The following INTS7 variants were observed in gnomAD, a reference collection of about 807,000 sequenced individuals.
INTS7 encodes chromosome 1 open reading frame 73.
In INTS7, 46 loss-of-function variants were observed where a neutral mutation model predicts 109.2. The observed-to-expected ratio is 0.42, with a 90% CI of 0.33 to 0.54. INTS7 has a LOEUF of 0.54. Ranked by LOEUF, INTS7 falls within the 20% of genes least tolerant of loss-of-function variation. The probability of loss-of-function intolerance (pLI) is 0.07; values close to 1 mark genes in which losing one functional copy is unlikely to be tolerated. For missense variants in INTS7, 929 were observed against 1,132.4 expected (o/e 0.82, Z 2.58); for synonymous variants, 412 against 402.9 (o/e 1.02, Z -0.27).
At chr1:212,024,222 G>T (rs1311280369) in intron 1 of INTS7, among the ~76,000 whole-genome samples, 4 of 149,642 alleles carry the variant, frequency 2.7e-5, no homozygotes, top group African/African-American at 4.9e-5. Context: ...TTTTAGAAGA[G>T]TTTTTTTTTT....
At chr1:212,034,819 A>T (rs935569919) in intron 1 of INTS7, among the ~76,000 whole-genome samples, 6 of 152,198 alleles carry the variant, frequency 3.9e-5, no homozygotes, top group African/African-American at 1.2e-4. Context: ...CCTGTACGGC[A>T]ACAGAACTCC....
intron 17 of INTS7, among the ~76,000 whole-genome samples, chr1:211,951,456 C>A (rs745524926): frequency 6.6e-6 from 1 of 152,104 alleles, no homozygotes; most frequent in Non-Finnish European, 1.5e-5. Flanking sequence ...TACAGGCATG[C>A]GCCACCATGC....
intron 1 of INTS7, among the ~76,000 whole-genome samples, chr1:212,031,931 A>T (rs1403493615): frequency 6.6e-6 from 1 of 152,204 alleles, no homozygotes; most frequent in Non-Finnish European, 1.5e-5. Context: ...GTTTCTAAGG[A>T]CACCAGTGCC....
In INTS7 at chr1:211,978,561, A is replaced by G. The variant is rs767763609; in HGVS notation, c.1231-50T>C. 2.5e-6 allele frequency: 4 copies of G among 1,607,160 alleles called. No individual in the cohort carries two copies. In the South Asian group the frequency reaches 4.4e-5, roughly 18 times the overall value. Reference sequence around the variant, plus strand: ...TAGTTACATTTTGAAGATACAGATGAAGCTTTAAGGAAAAGAGCTTTGTAC... The same window carrying G: ...TAGTTACATTTTGAAGATACAGATGGAGCTTTAAGGAAAAGAGCTTTGTAC... On this transcript the variant is annotated intron_variant, in intron 10 of 19. Transcript: ENST00000366994.
At chr1:211,949,175 T>G (rs1662979109) in intron 17 of INTS7, among the ~76,000 whole-genome samples, 1 of 152,246 alleles carries the variant, frequency 6.6e-6, no homozygotes, top group South Asian at 2.1e-4. Flanking sequence ...TCTTCTTTTG[T>G]GTGTTCCTTA....
chr1:211,968,405 G>T lies in INTS7; in HGVS notation c.2010+108C>A. ...GACAGTTGAGTGAATAAACATTTATGATAATGTCTGAGTCAAACCACTGAT... is the reference window on the plus strand; with the variant it reads ...GACAGTTGAGTGAATAAACATTTATTATAATGTCTGAGTCAAACCACTGAT... On this transcript the variant is annotated intron_variant, in intron 14 of 19. Coordinates refer to ENST00000366994, the MANE Select transcript of INTS7 (RefSeq NM_015434.4). 4 of 888,322 alleles carry T rather than the reference G, an allele frequency of 4.5e-6. No individual in the cohort carries two copies. The South Asian group carries it at 5.8e-5, about 13-fold the overall frequency. The allele number at this position is 888,322 out of a possible 1,614,324, so 55.0% of individuals were successfully genotyped here.
rs903732119 is a variant in INTS7 at position 211,991,376 on chromosome 1, G to A, written c.880-3373C>T. 3.9e-5 allele frequency among the ~76,000 whole-genome samples: 6 copies of A among 152,276 alleles called. No homozygotes were observed. In the East Asian group the frequency reaches 9.6e-4, roughly 24 times the overall value. On this transcript the variant is annotated intron_variant, in intron 7 of 19. Coordinates refer to ENST00000366994, the MANE Select transcript of INTS7 (RefSeq NM_015434.4). ...TATTTGAGTCTCAACTTCTTTGTCT[G>A]TAAAATGGGGTAAATATTTGTAAAG...
Position 212,011,434 on chromosome 1 carries a change from A to T in INTS7, c.510-13T>A. 6.5e-7 allele frequency: 1 copy of T among 1,533,320 alleles called. No individual in the cohort carries two copies. The highest frequency in any genetic ancestry group is 8.9e-7 in the Non-Finnish European group (1 of 1,121,752). 95.0% of individuals were successfully genotyped at this position (1,533,320 alleles called of 1,614,324 possible). A position where few individuals can be genotyped will look rare whatever the true frequency, so the allele number is the denominator to read the frequency against. On this transcript the variant is annotated splice_polypyrimidine_tract_variant and intron_variant, in intron 4 of 19. Transcript: ENST00000366994. ...TACAGCAAAATCCCTTTGGAAAAAG[A>T]GAACAGAGAACAGAAAAAACTTACA...
At chr1:212,017,804 C>G (rs1666506193) in intron 3 of INTS7, among the ~76,000 whole-genome samples, 1 of 152,084 alleles carries the variant, frequency 6.6e-6, no homozygotes, top group South Asian at 2.1e-4. Flanking sequence ...CTAATTATTC[C>G]CTGTAATTAC....
At chr1:211,972,053 G>A (rs1462888036) in intron 13 of INTS7, among the ~76,000 whole-genome samples, 1 of 152,010 alleles carries the variant, frequency 6.6e-6, no homozygotes, top group African/African-American at 2.4e-5. Flanking sequence ...ATGTGGAGGT[G>A]CACATAAGAA....
intron 7 of INTS7, among the ~76,000 whole-genome samples, chr1:211,989,474 A>G (rs1665048927): frequency 6.6e-6 from 1 of 152,130 alleles, no homozygotes; most frequent in South Asian, 2.1e-4. Flanking sequence ...TGGCAAACCT[A>G]GAAAAACATA....
At position 212,028,479 on chromosome 1, in the gene INTS7, A is replaced by G. The variant is rs186030931; in HGVS notation, c.94+6865T>C. Among the ~76,000 whole-genome samples the G allele has an allele frequency of 2.2e-4, 33 of 151,718 alleles. No homozygotes were observed. The East Asian group carries it at 6.1e-3, about 28-fold the overall frequency. The stretch of plus-strand genomic sequence containing the variant: ...TCGGCTCCCATTTATGATGATAGCC[A>G]TGTACCCCACTGTATGACTTTCTGC... On this transcript the variant is annotated intron_variant, in intron 1 of 19. Transcript: ENST00000366994.
intron 17 of INTS7, among the ~76,000 whole-genome samples, chr1:211,950,353 C>A (rs1365542932): frequency 1.3e-5 from 2 of 152,160 alleles, no homozygotes; most frequent in Non-Finnish European, 2.9e-5. Flanking sequence ...CTCACTGCAA[C>A]CTCCGCCTCC....
At chr1:212,014,298 TTAC>T (rs1452079468) in intron 4 of INTS7, among the ~76,000 whole-genome samples, 1 of 151,436 alleles carries the variant, frequency 6.6e-6, no homozygotes, top group Non-Finnish European at 1.5e-5. Flanking sequence ...AACCCCATCT[TTAC>T]TAAAAATACA....
At chr1:212,029,872 G>A (rs746218287) in intron 1 of INTS7, among the ~76,000 whole-genome samples, 4 of 152,150 alleles carry the variant, frequency 2.6e-5, no homozygotes, top group Non-Finnish European at 4.4e-5. Flanking sequence ...TTAAAAAATT[G>A]ATGGCAAAGC....
intron 5 of INTS7, among the ~76,000 whole-genome samples, chr1:212,011,142 G>A (rs991351329): frequency 5.9e-5 from 9 of 151,950 alleles, no homozygotes; most frequent in Admixed American, 4.6e-4. Flanking sequence ...AGGCACATTT[G>A]TCTATCCCCA....
chr1:212,031,757 A>ATG (rs1667175093), intron 1 of INTS7, among the ~76,000 whole-genome samples: 1 of 152,256 alleles, frequency 6.6e-6, no homozygotes, highest in African/African-American at 2.4e-5. Flanking sequence ...TACTAACTAC[A>ATG]TCCTAAAGTA....
At chr1:211,992,218 T>C (rs1419783734) in intron 7 of INTS7, among the ~76,000 whole-genome samples, 1 of 152,170 alleles carries the variant, frequency 6.6e-6, no homozygotes, top group Non-Finnish European at 1.5e-5. Context: ...AGTTAGGAAC[T>C]ATGTTCTATA....
At chr1:211,980,594 T>C (rs1019213041) in intron 10 of INTS7, among the ~76,000 whole-genome samples, 1 of 152,012 alleles carries the variant, frequency 6.6e-6, no homozygotes, top group African/African-American at 2.4e-5. Flanking sequence ...CCCCAATATG[T>C]CCAGCTAAAT....
Sources: gnomAD v4.1 joint callset for allele counts (sites outside exome capture counted in the v4.1 genomes callset) on GRCh38, gnomAD v4.1.1 for gene constraint, MANE v1.5 for transcripts, NCBI Gene and HGNC (gene_info 2026-07-23, HGNC 2026-07-21) for gene names.